Variants in VRK2 observed in about 807,000 individuals in gnomAD.
VRK2 encodes the protein VRK serine/threonine kinase 2.
In VRK2, 60 loss-of-function variants were observed where a neutral mutation model predicts 57.6. The observed-to-expected ratio is 1.04, with a 90% confidence interval of 0.85 to 1.29. The LOEUF (loss-of-function observed/expected upper bound fraction) is 1.29. VRK2 is among the 50% of genes most tolerant of loss of function. VRK2 has a pLI of 0.00. For synonymous variants in VRK2, 231 were observed against 199.2 expected, an observed-to-expected ratio of 1.16 and a Z score of -1.35; for missense variants, 705 against 588.1, an observed-to-expected ratio of 1.20 and a Z score of -2.06.
intron 7 of VRK2, among the ~76,000 whole-genome samples, chr2:58,110,999 T>C (rs537466448): frequency 2.2e-4 from 34 of 152,318 alleles, no homozygotes; most frequent in African/African-American, 7.0e-4. Flanking sequence ...TGTCGACTTA[T>C]TGCATTCCTT....
At chr2:57,993,359 A>T (rs1672828683) in intron 1 of VRK2, among the ~76,000 whole-genome samples, 1 of 152,168 alleles carries the variant, frequency 6.6e-6, no homozygotes, top group South Asian at 2.1e-4. Flanking sequence ...CATTGATGGC[A>T]TTTAAGAATC....
chr2:57,992,667 G>A (rs962651504), intron 1 of VRK2, among the ~76,000 whole-genome samples: 5 of 152,076 alleles, frequency 3.3e-5, no homozygotes, highest in African/African-American at 1.2e-4. Flanking sequence ...CTCCCGAGTA[G>A]CTGGGACTAC....
intron 2 of VRK2, among the ~76,000 whole-genome samples, chr2:58,056,611 A>ACT (rs4067990): frequency 0.72 from 108,560 of 151,828 alleles, 39,639 homozygotes; most frequent in African/African-American, 0.87. Context: ...TAGTGTGGCT[A>ACT]CTCACCCCAC....
chr2:57,916,880 G>C (rs960251803), intron 1 of VRK2, among the ~76,000 whole-genome samples: 2 of 152,160 alleles, frequency 1.3e-5, no homozygotes, highest in Admixed American at 6.5e-5. Context: ...TTTCTCATTT[G>C]TAGAATAAGG....
At chr2:58,010,834 A>C (rs1434018062) in intron 1 of VRK2, among the ~76,000 whole-genome samples, 1 of 152,126 alleles carries the variant, frequency 6.6e-6, no homozygotes, top group Non-Finnish European at 1.5e-5. Context: ...AAGGACAGGG[A>C]ATTTTCTATA....
chr2:58,114,387 T>C (rs1376564160), intron 7 of VRK2, among the ~76,000 whole-genome samples: 1 of 151,932 alleles, frequency 6.6e-6, no homozygotes, highest in Non-Finnish European at 1.5e-5. Flanking sequence ...TTGAGAATGG[T>C]GAATAGGAGT....
intron 1 of VRK2, among the ~76,000 whole-genome samples, chr2:58,022,883 A>T (rs1673806904): frequency 6.6e-6 from 1 of 152,218 alleles, no homozygotes; most frequent in African/African-American, 2.4e-5. Context: ...TCAAAAAAGA[A>T]AAAAATATGA....
At chr2:58,065,167 GA>G (rs1553390831) in intron 2 of VRK2, among the ~76,000 whole-genome samples, 3 of 151,968 alleles carry the variant, frequency 2.0e-5, no homozygotes, top group South Asian at 2.1e-4. Context: ...AAAATAAAGA[GA>G]AAAAAATCTT....
At chr2:57,944,302 T>A (rs1671189049) in intron 1 of VRK2, among the ~76,000 whole-genome samples, 1 of 152,218 alleles carries the variant, frequency 6.6e-6, no homozygotes, top group South Asian at 2.1e-4. Flanking sequence ...TAAACAATAA[T>A]TAATTTTGTG....
intron 1 of VRK2, among the ~76,000 whole-genome samples, chr2:57,917,877 T>A (rs1398042253): frequency 6.6e-6 from 1 of 152,088 alleles, no homozygotes; most frequent in African/African-American, 2.4e-5. Context: ...AAGTCACACA[T>A]GAAAAATAAT....
chr2:58,070,257 C>T (rs1168451114), intron 2 of VRK2, among the ~76,000 whole-genome samples: 1 of 151,512 alleles, frequency 6.6e-6, no homozygotes, highest in Admixed American at 6.6e-5. Context: ...GGTGTGTTAC[C>T]CATGCTGGTC....
Position 58,047,820 on chromosome 2 carries a change from G to A in VRK2, c.-6+952G>A, listed in dbSNP as rs1334325404. Among the ~76,000 whole-genome samples, 6 of 152,232 alleles carry A rather than the reference G, an allele frequency of 3.9e-5. No individual in the cohort carries two copies. In the East Asian group the frequency reaches 1.2e-3, roughly 29 times the overall value. On this transcript the variant is annotated intron_variant, in intron 1 of 12. Coordinates refer to ENST00000340157, the MANE Select transcript of VRK2 (RefSeq NM_006296.7). ...TGGGACAATACTGCTAAGTAAAAAA[G>A]CAGTTAAGTGAAGGAGGAAAAACCC...
intron 1 of VRK2, among the ~76,000 whole-genome samples, chr2:57,969,444 A>C (rs1345363146): frequency 6.6e-6 from 1 of 152,138 alleles, no homozygotes; most frequent in East Asian, 1.9e-4. Context: ...TTTTATTTAC[A>C]CTTTTAATTT....
chr2:58,012,837 G>A (rs755270626), intron 1 of VRK2, among the ~76,000 whole-genome samples: 18 of 152,056 alleles, frequency 1.2e-4, no homozygotes, highest in Non-Finnish European at 2.2e-4. Flanking sequence ...GACATTTTAC[G>A]TATTATATCT....
intron 7 of VRK2, among the ~76,000 whole-genome samples, chr2:58,090,400 CAAAAAAAAA>C (rs888066524): frequency 4.1e-5 from 2 of 49,342 alleles, no homozygotes; most frequent in Admixed American, 4.2e-4. Context: ...AACTCCATCT[CAAAAAAAAA>C]AAAAAAAAAA....
intron 1 of VRK2, among the ~76,000 whole-genome samples, chr2:58,000,061 AG>A (rs1459363717): frequency 6.6e-6 from 1 of 152,136 alleles, no homozygotes; most frequent in African/African-American, 2.4e-5. Flanking sequence ...TTTCTACCTA[AG>A]AATGCAAATT....
At chr2:58,030,692 C>G (rs957538106) in intron 2 of VRK2, among the ~76,000 whole-genome samples, 1 of 151,990 alleles carries the variant, frequency 6.6e-6, no homozygotes, top group African/African-American at 2.4e-5. Flanking sequence ...GTGGGTCTAC[C>G]TCTCTTCTTA....
intron 1 of VRK2, chr2:58,018,124 C>T (rs1379284696): frequency 6.6e-6 from 1 of 152,178 alleles, no homozygotes. Flanking sequence ...TGCCTTGTAG[C>T]TGGGATTACA....
At position 58,145,054 on chromosome 2, in the gene VRK2, CCT is replaced by C. The variant is rs575507464; in HGVS notation, c.1024-1261_1024-1260del. On this transcript the variant is annotated intron_variant, in intron 11 of 12. Coordinates refer to ENST00000340157, the MANE Select transcript of VRK2 (RefSeq NM_006296.7). ...TTTGTGCTGTTCCTATCTTCTGCCC[CCT>C]GTTTAACTCATGAAAAAAAGGTGAT... Among the ~76,000 whole-genome samples, 15 of 152,090 alleles carry C rather than the reference CCT, an allele frequency of 9.9e-5. No homozygotes were observed. The South Asian group carries it at 1.9e-3, about 19-fold the overall frequency.
Sources: gnomAD v4.1 joint callset for allele counts (sites outside exome capture counted in the v4.1 genomes callset) on GRCh38, gnomAD v4.1.1 for gene constraint, MANE v1.5 for transcripts, NCBI Gene and HGNC (gene_info 2026-07-23, HGNC 2026-07-21) for gene names.